The following PKN2 variants were observed in gnomAD, a reference collection of about 807,000 sequenced individuals.
PKN2 encodes protein kinase N2.
Under a neutral mutation model 119.1 loss-of-function variants are expected in PKN2, and 38 were observed. That is an observed-to-expected ratio of 0.32 (90% confidence interval 0.25 to 0.42). PKN2 has a LOEUF of 0.42. PKN2 is among the 10% of genes least tolerant of loss of function. The pLI is 1.00. For synonymous variants in PKN2, 390 were observed against 384.9 expected (o/e 1.01, Z -0.15); for missense variants, 850 against 1,165.1 (o/e 0.73, Z 3.94).
intron 1 of PKN2, among the ~76,000 whole-genome samples, chr1:88,718,642 A>C (rs190010494): frequency 6.6e-6 from 1 of 152,346 alleles, no homozygotes; most frequent in Non-Finnish European, 1.5e-5. Flanking sequence ...TTTCAAGGAA[A>C]TGTGCTCTCA....
chr1:88,790,342 A>C (rs1670769040), intron 8 of PKN2, among the ~76,000 whole-genome samples: 2 of 152,244 alleles, frequency 1.3e-5, no homozygotes, highest in Admixed American at 1.3e-4. Context: ...GAAAATATGT[A>C]TATTCTACTA....
chr1:88,824,237 A>AT, intron 17 of PKN2, 73 bp from the exon 18 acceptor site: 3 of 749,070 alleles, frequency 4.0e-6, no homozygotes, highest in African/African-American at 1.8e-5. Context: ...AATTGCAATT[A>AT]TTTTTTTAAC....
At chr1:88,795,414 G>T (rs766036614) in intron 8 of PKN2, among the ~76,000 whole-genome samples, 1 of 151,758 alleles carries the variant, frequency 6.6e-6, no homozygotes, top group South Asian at 2.1e-4. Context: ...ATTTTGCTTC[G>T]TCCTAGCTCT....
chr1:88,785,968 C>A, intron 7 of PKN2, 136 bp from the exon 8 acceptor site: 1 of 573,926 alleles, frequency 1.7e-6, no homozygotes, highest in Non-Finnish European at 3.1e-6. Context: ...ATTTAAGATT[C>A]AAAAGTTTTA....
At chr1:88,699,108 C>T (rs1013890685) in intron 1 of PKN2, among the ~76,000 whole-genome samples, 3 of 151,862 alleles carry the variant, frequency 2.0e-5, no homozygotes, top group African/African-American at 7.3e-5. Flanking sequence ...TTCTTTTTCT[C>T]CCTGACCCCT....
chr1:88,776,461 T>TA (rs879540268), intron 6 of PKN2, among the ~76,000 whole-genome samples: 10 of 151,464 alleles, frequency 6.6e-5, no homozygotes, highest in Non-Finnish European at 1.5e-4. Flanking sequence ...AATGTCCAAC[T>TA]AGGCACAGTG....
intron 1 of PKN2, among the ~76,000 whole-genome samples, chr1:88,688,524 C>T (rs896669594): frequency 5.9e-5 from 9 of 152,146 alleles, no homozygotes; most frequent in African/African-American, 9.7e-5. Flanking sequence ...TTGTTAGCTC[C>T]GTCTGTAACA....
intron 15 of PKN2, 34 bp from the exon 16 acceptor site, chr1:88,813,523 T>C (rs779364198): frequency 1.4e-6 from 2 of 1,402,432 alleles, no homozygotes; most frequent in African/African-American, 3.0e-5. Flanking sequence ...GAATTATTTT[T>C]AATCTGCTTA....
At chr1:88,784,012 C>A (rs1670463145) in intron 6 of PKN2, among the ~76,000 whole-genome samples, 1 of 152,010 alleles carries the variant, frequency 6.6e-6, no homozygotes, top group African/African-American at 2.4e-5. Context: ...TTTTTATGTG[C>A]CATTTTAGTG....
At chr1:88,818,319 T>C (rs1020001569) in intron 16 of PKN2, among the ~76,000 whole-genome samples, 2 of 152,188 alleles carry the variant, frequency 1.3e-5, no homozygotes, top group Non-Finnish European at 2.9e-5. Flanking sequence ...GCTATCCCCA[T>C]TAAGCTACCA....
In PKN2 at chr1:88,804,371, A is replaced by T. The variant is rs753610430; in HGVS notation, c.1282-20A>T. The stretch of plus-strand genomic sequence containing the variant: ...TGATGTCTTTTCTGTTTTCTTTATT[A>T]TTTTTTTTAATTATCCTAGTCACGT... On this transcript the variant is annotated intron_variant, in intron 8 of 21. Coordinates refer to ENST00000370521, the MANE Select transcript of PKN2 (RefSeq NM_006256.4). The T allele has an allele frequency of 1.3e-5, 20 of 1,557,832 alleles. No homozygotes were observed. The South Asian group carries it at 1.3e-4, about 10-fold the overall frequency.
chr1:88,757,744 A>T (rs1021325997), intron 2 of PKN2, among the ~76,000 whole-genome samples: 1 of 152,178 alleles, frequency 6.6e-6, no homozygotes. Context: ...TTTAGATTCA[A>T]GGTAAGTGTT....
chr1:88,820,493 A>G (rs938558246), intron 16 of PKN2, among the ~76,000 whole-genome samples: 4 of 150,692 alleles, frequency 2.7e-5, no homozygotes, highest in Admixed American at 1.3e-4. Context: ...AGATTGTGCA[A>G]TTGCACTCCA....
chr1:88,808,338 C>T (rs1457032061), intron 15 of PKN2, among the ~76,000 whole-genome samples: 2 of 151,848 alleles, frequency 1.3e-5, no homozygotes, highest in Non-Finnish European at 2.9e-5. Context: ...GACAGAGTCT[C>T]ACTGTCTTCC....
chr1:88,694,431 A>G (rs568287633), intron 1 of PKN2, among the ~76,000 whole-genome samples: 25 of 152,272 alleles, frequency 1.6e-4, no homozygotes, highest in African/African-American at 6.0e-4. Context: ...ATTTTCCTCC[A>G]TGTCTTTTCA....
intron 1 of PKN2, among the ~76,000 whole-genome samples, chr1:88,740,731 A>T (rs1052601606): frequency 6.6e-6 from 1 of 152,088 alleles, no homozygotes; most frequent in Non-Finnish European, 1.5e-5. Context: ...TTGTGTGTAG[A>T]TGTGTTCACT....
intron 1 of PKN2, among the ~76,000 whole-genome samples, chr1:88,696,573 A>AT (rs1425459294): frequency 2.0e-5 from 3 of 152,174 alleles, no homozygotes. Context: ...CTGAGTTGCT[A>AT]TATGTCACAA....
chr1:88,728,516 TTTTG>T (rs905178816), intron 1 of PKN2, among the ~76,000 whole-genome samples: 2 of 152,170 alleles, frequency 1.3e-5, no homozygotes, highest in African/African-American at 2.4e-5. Flanking sequence ...GTAAGGGTTA[TTTTG>T]TTTTTGTTTT....
At chr1:88,746,887 A>G (rs976484443) in intron 2 of PKN2, among the ~76,000 whole-genome samples, 4 of 152,164 alleles carry the variant, frequency 2.6e-5, no homozygotes, top group African/African-American at 9.6e-5. Flanking sequence ...TTTTTAAAAC[A>G]TGGTATATAA....
Sources: allele counts gnomAD v4.1 joint callset (sites outside exome capture counted in the v4.1 genomes callset), GRCh38; gene constraint gnomAD v4.1.1; transcripts MANE v1.5; gene names NCBI Gene and HGNC (gene_info 2026-07-23, HGNC 2026-07-21).